Variants in FRMD5 observed in about 807,000 individuals in gnomAD.
FRMD5 encodes the protein FERM domain-containing protein 5.
FRMD5 carries 20 observed loss-of-function variants against 69.0 expected under a neutral mutation model. The ratio of observed to expected loss-of-function variants is 0.29; its 90% CI spans 0.20 to 0.42. The LOEUF (loss-of-function observed/expected upper bound fraction) is 0.42, where lower values mean the gene tolerates loss of function less well. Ranked by LOEUF, FRMD5 falls within the 10% of genes least tolerant of loss-of-function variation. FRMD5 has a pLI of 1.00. For missense variants in FRMD5, 595 were observed against 708.6 expected, an observed-to-expected ratio of 0.84 and a Z score of 1.82; for synonymous variants, 271 against 260.1, an observed-to-expected ratio of 1.04 and a Z score of -0.40.
chr15:44,131,420 T>G (rs541651243), intron 1 of FRMD5, among the ~76,000 whole-genome samples: 1 of 152,198 alleles, frequency 6.6e-6, no homozygotes, highest in East Asian at 1.9e-4. Context: ...ATATAATTAC[T>G]ATATGATCCA....
At chr15:43,944,846 C>G (rs2089918053) in intron 1 of FRMD5, among the ~76,000 whole-genome samples, 1 of 152,194 alleles carries the variant, frequency 6.6e-6, no homozygotes, top group African/African-American at 2.4e-5. Context: ...CCATTTGCCT[C>G]TCTCCTTTCT....
intron 1 of FRMD5, among the ~76,000 whole-genome samples, chr15:43,985,683 C>A (rs139772992): frequency 2.0e-5 from 3 of 152,026 alleles, no homozygotes; most frequent in African/African-American, 7.3e-5. Flanking sequence ...ACATTCTGTG[C>A]GGATAAGTAT....
intron 1 of FRMD5, among the ~76,000 whole-genome samples, chr15:44,118,575 A>C (rs768701882): frequency 6.6e-6 from 1 of 152,176 alleles, no homozygotes; most frequent in Admixed American, 6.5e-5. Context: ...TTCATTTCCT[A>C]TCCTACCATT....
chr15:43,987,861 T>C (rs967250537), intron 1 of FRMD5, among the ~76,000 whole-genome samples: 1 of 152,174 alleles, frequency 6.6e-6, no homozygotes, highest in Admixed American at 6.6e-5. Context: ...TATTATTACA[T>C]TGTAATATAT....
chr15:43,874,198 G>A lies in FRMD5; in HGVS notation c.1400C>T (p.Pro467Leu), dbSNP rs764894387. 5.0e-6 allele frequency: 8 copies of A among 1,614,100 alleles called. No homozygotes were observed. The highest frequency in any genetic ancestry group is 6.8e-6 in the Non-Finnish European group (8 of 1,180,052). Residue 467 changes from proline to leucine, a missense_variant, in exon 14 of 14, where the codon CCA becomes CTA. Pro to Leu is a moderately conservative substitution (Grantham distance 98). Coordinates refer to ENST00000417257, the MANE Select transcript of FRMD5 (RefSeq NM_032892.5). The stretch of plus-strand genomic sequence containing the variant: ...AAGGGCCTCCACCTCTGTAGCAGTT[G>A]GGGTGCTGGCTTCAGATTCCTTCTC... ...EEEKESEAST[P>L]TATEVEALGG...
chr15:43,943,530 T>G (rs2089896596), intron 1 of FRMD5, among the ~76,000 whole-genome samples: 1 of 152,220 alleles, frequency 6.6e-6, no homozygotes, highest in African/African-American at 2.4e-5. Context: ...TGACCTTATT[T>G]GGAAATAAAG....
intron 1 of FRMD5, among the ~76,000 whole-genome samples, chr15:43,992,167 G>A (rs1889715262): frequency 6.6e-6 from 1 of 152,116 alleles, no homozygotes; most frequent in Admixed American, 6.5e-5. Context: ...AATGAAATTT[G>A]TTCTTTAATC....
intron 1 of FRMD5, among the ~76,000 whole-genome samples, chr15:44,166,436 G>T (rs2615278): frequency 0.8 from 121,385 of 152,094 alleles, 51,903 homozygotes; most frequent in Non-Finnish European, 0.94. Context: ...TTTTTATGTG[G>T]TATATCTTTG....
At chr15:43,924,630 A>AT (rs1848586590) in intron 1 of FRMD5, among the ~76,000 whole-genome samples, 1 of 152,122 alleles carries the variant, frequency 6.6e-6, no homozygotes, top group Admixed American at 6.5e-5. Context: ...TCAGTGTGGA[A>AT]TACAGCAATA....
chr15:44,048,024 C>T (rs1025358867), intron 1 of FRMD5, among the ~76,000 whole-genome samples: 5 of 152,082 alleles, frequency 3.3e-5, no homozygotes, highest in Admixed American at 6.5e-5. Context: ...CATTCATTAA[C>T]AAATTTTTGT....
At chr15:43,892,122 G>C in intron 7 of FRMD5, 53 bp from the exon 8 acceptor site, 1 of 1,512,672 alleles carries the variant, frequency 6.6e-7, no homozygotes, top group Non-Finnish European at 9.2e-7. Flanking sequence ...AGGTGAAAGG[G>C]TAAGAAACAC....
chr15:43,999,971 T>TATGCCATGC (rs1890132455), intron 1 of FRMD5, among the ~76,000 whole-genome samples: 11 of 53,054 alleles, frequency 2.1e-4, no homozygotes, highest in Admixed American at 4.2e-4. Context: ...TATATATATA[T>TATGCCATGC]ATATATATAT....
At chr15:44,062,793 C>A (rs574428462) in intron 1 of FRMD5, among the ~76,000 whole-genome samples, 1 of 151,984 alleles carries the variant, frequency 6.6e-6, no homozygotes, top group Admixed American at 6.6e-5. Context: ...GTCCTGGAAC[C>A]AATCCCCCCC....
chr15:44,128,251 G>A (rs1484486767), intron 1 of FRMD5, among the ~76,000 whole-genome samples: 4 of 152,088 alleles, frequency 2.6e-5, no homozygotes, highest in South Asian at 2.1e-4. Context: ...AGGCCGAGGC[G>A]GGTGGATCAC....
chr15:44,136,373 G>C (rs1195863794), intron 1 of FRMD5, among the ~76,000 whole-genome samples: 1 of 152,110 alleles, frequency 6.6e-6, no homozygotes, highest in Admixed American at 6.6e-5. Flanking sequence ...AATAAAAATG[G>C]AATGTCAGAA....
intron 1 of FRMD5, among the ~76,000 whole-genome samples, chr15:44,161,818 C>T (rs2077620365): frequency 6.6e-6 from 1 of 152,158 alleles, no homozygotes; most frequent in Admixed American, 6.5e-5. Flanking sequence ...ACTAAAATGA[C>T]TATTTTCACA....
chr15:43,953,288 A>C (rs2090065304), intron 1 of FRMD5, among the ~76,000 whole-genome samples: 1 of 152,208 alleles, frequency 6.6e-6, no homozygotes, highest in East Asian at 1.9e-4. Flanking sequence ...ACATGGAGGA[A>C]GGACAGGACC....
intron 1 of FRMD5, among the ~76,000 whole-genome samples, chr15:44,147,077 G>C (rs370546013): frequency 4.1e-4 from 63 of 152,282 alleles, no homozygotes; most frequent in African/African-American, 1.4e-3. Context: ...CTTATGTCCT[G>C]AATGGTATTG....
chr15:43,997,440 A>G (rs1442808244), intron 1 of FRMD5, among the ~76,000 whole-genome samples: 2 of 152,178 alleles, frequency 1.3e-5, no homozygotes, highest in African/African-American at 4.8e-5. Context: ...GTTGCAAAGG[A>G]TATATTCTTA....
Sources: gnomAD v4.1 joint callset for allele counts (sites outside exome capture counted in the v4.1 genomes callset) on GRCh38, gnomAD v4.1.1 for gene constraint, MANE v1.5 for transcripts, NCBI Gene and HGNC (gene_info 2026-07-23, HGNC 2026-07-21) for gene names.